The following PTN variants were observed in gnomAD, a reference collection of about 807,000 sequenced individuals.
PTN encodes the protein pleiotrophin, also known as heparin affin regulatory protein.
In PTN, 18 loss-of-function variants were observed where a neutral mutation model predicts 24.1. The ratio of observed to expected loss-of-function variants is 0.75; its 90% CI spans 0.52 to 1.11. PTN has a LOEUF of 1.11. Among genes scored for constraint, PTN ranks in the 50% least tolerant of loss-of-function variants. The pLI, the probability that PTN is intolerant of heterozygous loss-of-function variation, is 0.00. For synonymous variants in PTN, 78 were observed against 68.6 expected, an observed-to-expected ratio of 1.14 and a Z score of -0.67; for missense variants, 163 against 198.8, an observed-to-expected ratio of 0.82 and a Z score of 1.08.
chr7:137,244,264 T>G (rs1808683504), intron 4 of PTN, among the ~76,000 whole-genome samples: 1 of 152,138 alleles, frequency 6.6e-6, no homozygotes, highest in South Asian at 2.1e-4. Flanking sequence ...CCAGGAAAGC[T>G]AAATTCCAGA....
chr7:137,287,521 C>T (rs1425707182), intron 1 of PTN, among the ~76,000 whole-genome samples: 1 of 151,782 alleles, frequency 6.6e-6, no homozygotes, highest in Non-Finnish European at 1.5e-5. Flanking sequence ...AATCCAACAA[C>T]CAGAATTTGT....
intron 1 of PTN, among the ~76,000 whole-genome samples, chr7:137,276,331 T>A (rs1809358272): frequency 6.6e-6 from 1 of 152,188 alleles, no homozygotes; most frequent in East Asian, 1.9e-4. Context: ...TCTAATGTAG[T>A]TCAAGGGCAA....
At position 137,335,346 on chromosome 7, in the gene PTN, G is replaced by C. The variant is rs150488723; in HGVS notation, c.-2+8093C>G. Among the ~76,000 whole-genome samples the C allele has an allele frequency of 7.5e-3, 1,140 of 152,008 alleles. 11 individuals carry two copies. The highest frequency in any genetic ancestry group is 0.026 in the African/African-American group (1,082 of 41,480). ...AGGCCCAAGTGCAACATCTGGCCAG[G>C]GGCTTTTTACACTTAAGGGAACTTC... is the stretch of plus-strand genomic sequence containing the variant. On this transcript the variant is annotated intron_variant, in intron 1 of 4. Transcript: ENST00000348225.
chr7:137,232,395 A>G (rs1808442589), intron 4 of PTN, among the ~76,000 whole-genome samples: 1 of 151,926 alleles, frequency 6.6e-6, no homozygotes, highest in Non-Finnish European at 1.5e-5. Context: ...GCTAGTACTC[A>G]TAATAATTGG....
At chr7:137,342,331 T>C (rs1810547226) in intron 1 of PTN, among the ~76,000 whole-genome samples, 1 of 152,022 alleles carries the variant, frequency 6.6e-6, no homozygotes, top group South Asian at 2.1e-4. Flanking sequence ...ATCACCCCTT[T>C]CTCAAGCTGC....
rs575648457 is a variant in PTN, at chr7:137,296,337, G to C, written c.-1-41363C>G. Reference sequence around the variant, plus strand: ...AAAAGATTAAAATACCATATTCCTGGAGAAATTCCAAAACCAAGAAAAATT... The same window carrying C: ...AAAAGATTAAAATACCATATTCCTGCAGAAATTCCAAAACCAAGAAAAATT... On this transcript the variant is annotated intron_variant, in intron 1 of 4. Coordinates refer to ENST00000348225, the MANE Select transcript of PTN (RefSeq NM_002825.7). Among the ~76,000 whole-genome samples, 10 of 151,998 alleles carry C rather than the reference G, an allele frequency of 6.6e-5. No individual in the cohort carries two copies. In the South Asian group the frequency reaches 2.1e-3, roughly 32 times the overall value.
rs190921651 is a variant in PTN, at chr7:137,240,744, G to A, written c.451+10486C>T. Among the ~76,000 whole-genome samples the A allele has an allele frequency of 4.3e-4, 66 of 152,292 alleles. 1 individual carries two copies. Among genetic ancestry groups the A allele is most frequent in the Non-Finnish European group, 7.9e-4 (54 of 68,024 alleles). ...ATACACGAGCAAGACAGCCTGCTAA[G>A]GAGTCAGGGTGGGTCTAAAATTCAT... is the stretch of plus-strand genomic sequence containing the variant. On this transcript the variant is annotated intron_variant, in intron 4 of 4. Coordinates refer to ENST00000348225, the MANE Select transcript of PTN (RefSeq NM_002825.7).
chr7:137,281,488 G>A (rs904278292), intron 1 of PTN, among the ~76,000 whole-genome samples: 4 of 152,214 alleles, frequency 2.6e-5, no homozygotes, highest in African/African-American at 7.2e-5. Context: ...CTCAGGGCCA[G>A]TAGCGTGGAC....
At chr7:137,260,761 A>G (rs1418188730) in intron 1 of PTN, among the ~76,000 whole-genome samples, 1 of 152,152 alleles carries the variant, frequency 6.6e-6, no homozygotes, top group Non-Finnish European at 1.5e-5. Flanking sequence ...TTTGGTAAGA[A>G]TGTAAATAAC....
intron 1 of PTN, among the ~76,000 whole-genome samples, chr7:137,271,660 A>G (rs996562208): frequency 6.6e-6 from 1 of 152,206 alleles, no homozygotes; most frequent in Non-Finnish European, 1.5e-5. Context: ...TTATAATTGA[A>G]AAGAGCTGGA....
At chr7:137,295,664 T>C (rs1366613106) in intron 1 of PTN, among the ~76,000 whole-genome samples, 4 of 152,118 alleles carry the variant, frequency 2.6e-5, no homozygotes, top group Admixed American at 1.3e-4. Flanking sequence ...AAATAAAATA[T>C]ATTATTAGAA....
intron 1 of PTN, among the ~76,000 whole-genome samples, chr7:137,258,285 G>A (rs1808970894): frequency 6.6e-6 from 1 of 152,100 alleles, no homozygotes; most frequent in African/African-American, 2.4e-5. Flanking sequence ...AAAGTAGAAT[G>A]GAAATACACT....
At chr7:137,260,863 G>A (rs940018720) in intron 1 of PTN, among the ~76,000 whole-genome samples, 1 of 152,124 alleles carries the variant, frequency 6.6e-6, no homozygotes, top group African/African-American at 2.4e-5. Context: ...ATGGATGGGG[G>A]TTGCAAAATG....
chr7:137,329,855 G>A (rs370765280), intron 1 of PTN, among the ~76,000 whole-genome samples: 28 of 152,280 alleles, frequency 1.8e-4, no homozygotes, highest in Middle Eastern at 3.4e-3. Flanking sequence ...AGACACAATC[G>A]TAGGAACAAT....
At chr7:137,278,858 G>A (rs895089183) in intron 1 of PTN, among the ~76,000 whole-genome samples, 4 of 151,292 alleles carry the variant, frequency 2.6e-5, no homozygotes, top group Non-Finnish European at 5.9e-5. Flanking sequence ...GGAGAATTGC[G>A]TGAACCCGGG....
chr7:137,258,737 G>A (rs550751071), intron 1 of PTN, among the ~76,000 whole-genome samples: 1 of 152,200 alleles, frequency 6.6e-6, no homozygotes, highest in South Asian at 2.1e-4. Context: ...GCCCTTGCTT[G>A]TGATATTTGC....
chr7:137,293,280 C>T (rs1191496921), intron 1 of PTN, among the ~76,000 whole-genome samples: 2 of 152,062 alleles, frequency 1.3e-5, no homozygotes, highest in Non-Finnish European at 2.9e-5. Context: ...AGTGAAACTA[C>T]CTCCTACTTC....
intron 1 of PTN, among the ~76,000 whole-genome samples, chr7:137,293,774 C>T (rs760428871): frequency 1.3e-5 from 2 of 151,948 alleles, no homozygotes; most frequent in African/African-American, 4.8e-5. Flanking sequence ...AATGAACTTT[C>T]GTTGACATGT....
At chr7:137,232,589 G>C (rs915056641) in intron 4 of PTN, among the ~76,000 whole-genome samples, 15 of 152,014 alleles carry the variant, frequency 9.9e-5, no homozygotes, top group Admixed American at 2.6e-4. Flanking sequence ...AGGATCCAAA[G>C]GGCCATGTTC....
Sources: gnomAD v4.1 joint callset for allele counts (sites outside exome capture counted in the v4.1 genomes callset) on GRCh38, gnomAD v4.1.1 for gene constraint, MANE v1.5 for transcripts, NCBI Gene and HGNC (gene_info 2026-07-23, HGNC 2026-07-21) for gene names.